The following PAGE2B variants were observed in gnomAD, a reference collection of about 807,000 sequenced individuals.
PAGE2B encodes the protein putative G antigen family E member 3.
A neutral mutation model predicts 7.6 loss-of-function variants in PAGE2B; 5 were observed. That is an observed-to-expected ratio of 0.66 (90% CI 0.34 to 1.38). PAGE2B has a LOEUF of 1.38. Ranked by LOEUF, PAGE2B falls within the 40% of genes most tolerant of loss-of-function variation. PAGE2B has a pLI of 0.04. For synonymous variants in PAGE2B, 29 were observed against 26.7 expected (o/e 1.09, Z -0.27); for missense variants, 70 against 78.4 (o/e 0.89, Z 0.41).
At chrX:55,073,830 T>C (rs1936474339), upstream of PAGE2B, among the ~76,000 whole-genome samples, 1 of 111,821 alleles carries the variant, frequency 8.9e-6, no homozygotes, top group Non-Finnish European at 1.9e-5. Flanking sequence ...GGCTCTGTGC[T>C]TGAAGGTAGT....
chrX:55,069,801 T>G, the PAGE2B span, among the ~76,000 whole-genome samples: 1 of 111,801 alleles, frequency 8.9e-6, no homozygotes, highest in Non-Finnish European at 1.9e-5. Context: ...ATTTATCCAT[T>G]TCTTCTAGAT....
At chrX:55,039,324 G>T in the PAGE2B span, among the ~76,000 whole-genome samples, 1 of 111,201 alleles carries the variant, frequency 9.0e-6, no homozygotes, top group African/African-American at 3.3e-5. Context: ...GGACAGAAGT[G>T]AATGGAACTG....
the PAGE2B span, among the ~76,000 whole-genome samples, chrX:55,050,798 G>T: frequency 1.5e-4 from 17 of 111,396 alleles, no homozygotes; most frequent in Non-Finnish European, 2.4e-4. Context: ...GGAGCATTTA[G>T]CCCATTTACG....
the PAGE2B span, among the ~76,000 whole-genome samples, chrX:55,040,753 G>T: frequency 1.8e-5 from 2 of 111,671 alleles, no homozygotes; most frequent in Admixed American, 9.5e-5. Context: ...GTACAACAAT[G>T]TGATTGTTCT....
the PAGE2B span, among the ~76,000 whole-genome samples, chrX:55,041,338 C>T: frequency 1.8e-5 from 2 of 110,833 alleles, no homozygotes; most frequent in African/African-American, 3.3e-5. Context: ...CCATCAGCCT[C>T]CCAAAGTGCT....
the PAGE2B span, among the ~76,000 whole-genome samples, chrX:55,046,394 G>A: frequency 8.9e-6 from 1 of 111,957 alleles, no homozygotes; most frequent in African/African-American, 3.2e-5. Context: ...GATTACAGGC[G>A]TGAGCCACTA....
the PAGE2B span, among the ~76,000 whole-genome samples, chrX:55,051,620 A>C: frequency 8.9e-6 from 1 of 112,086 alleles, no homozygotes; most frequent in Admixed American, 9.4e-5. Flanking sequence ...AGGCTTGTGC[A>C]TTCGTCACGT....
intron 2 of PAGE2B, among the ~76,000 whole-genome samples, 195 bp from the exon 3 acceptor site, chrX:55,076,362 ATATGTATATATG>A (rs1445321938): frequency 9.4e-6 from 1 of 105,830 alleles, no homozygotes; most frequent in African/African-American, 3.6e-5. Flanking sequence ...GTATATGTAT[ATATGTATATATG>A]TATGTATGTA....
At chrX:55,051,822 C>A in the PAGE2B span, among the ~76,000 whole-genome samples, 3 of 112,104 alleles carry the variant, frequency 2.7e-5, no homozygotes, top group African/African-American at 9.7e-5. Flanking sequence ...CAAAGTCATT[C>A]TCCATCCAGC....
the PAGE2B span, among the ~76,000 whole-genome samples, chrX:55,036,377 C>T: frequency 9.0e-6 from 1 of 111,090 alleles, no homozygotes; most frequent in South Asian, 3.8e-4. Flanking sequence ...CTGTCTTGTG[C>T]CAGTTTTCAA....
chrX:55,037,556 A>G, the PAGE2B span, among the ~76,000 whole-genome samples: 1 of 111,351 alleles, frequency 9.0e-6, no homozygotes. Flanking sequence ...TACTGGGTAT[A>G]TACCCAAAGG....
At chrX:55,047,535 C>A in the PAGE2B span, among the ~76,000 whole-genome samples, 1 of 111,751 alleles carries the variant, frequency 8.9e-6, no homozygotes. Context: ...GTCCCACCAA[C>A]AGTGTAAAAG....
chrX:55,034,409 A>G, the PAGE2B span, among the ~76,000 whole-genome samples: 1 of 111,602 alleles, frequency 9.0e-6, no homozygotes, highest in Non-Finnish European at 1.9e-5. Context: ...TAATTTGTTT[A>G]TACGTTTTTT....
chrX:55,076,745 A>G (rs1170754862), intron 3 of PAGE2B, 68 bp downstream of exon 3: 3 of 823,910 alleles, frequency 3.6e-6, no homozygotes, highest in East Asian at 6.9e-5. Context: ...ATTTTATGAC[A>G]TACCAGTAAC....
intron 3 of PAGE2B, 102 bp downstream of exon 3, chrX:55,076,779 G>T (rs987220766): frequency 1.6e-6 from 1 of 639,008 alleles, no homozygotes; most frequent in Non-Finnish European, 2.4e-6. Flanking sequence ...GCATTAGGAA[G>T]GAATCTTAAA....
chrX:55,049,022 T>C, the PAGE2B span, among the ~76,000 whole-genome samples: 4 of 112,096 alleles, frequency 3.6e-5, no homozygotes, highest in African/African-American at 1.3e-4. Context: ...TGAAGGGTTG[T>C]TGAATTTTGT....
the PAGE2B span, among the ~76,000 whole-genome samples, chrX:55,043,066 C>T: frequency 1.8e-5 from 2 of 111,114 alleles, no homozygotes; most frequent in African/African-American, 3.3e-5. Flanking sequence ...TGACCTTTAA[C>T]AAAGCAAACA....
At chrX:55,050,316 T>C in the PAGE2B span, among the ~76,000 whole-genome samples, 14 of 111,695 alleles carry the variant, frequency 1.3e-4, no homozygotes, top group African/African-American at 4.2e-4. Context: ...TGTAGATGTC[T>C]ATTAGGTCCG....
intron 4 of PAGE2B, 138 bp downstream of exon 4, chrX:55,077,662 T>A: frequency 9.0e-7 from 1 of 1,113,558 alleles, no homozygotes; most frequent in African/African-American, 1.8e-5. Context: ...AGACCCCAAA[T>A]GGCTGCCTTA....
Sources: gnomAD v4.1 joint callset for allele counts (sites outside exome capture counted in the v4.1 genomes callset) on GRCh38, gnomAD v4.1.1 for gene constraint, MANE v1.5 for transcripts, NCBI Gene and HGNC (gene_info 2026-07-23, HGNC 2026-07-21) for gene names.